Variants in PYGB observed in about 807,000 individuals in gnomAD.
PYGB encodes glycogen phosphorylase, brain form.
PYGB carries 82 observed loss-of-function variants against 94.3 expected under a neutral mutation model. The ratio of observed to expected loss-of-function variants is 0.87; its 90% CI spans 0.73 to 1.04. PYGB has a LOEUF of 1.04. PYGB is among the 50% of genes least tolerant of loss of function. The probability of loss-of-function intolerance (pLI) is 0.00; values close to 1 mark genes in which losing one functional copy is unlikely to be tolerated. For missense variants in PYGB, 1,132 were observed against 1,158.2 expected (o/e 0.98, Z 0.33); for synonymous variants, 488 against 479.1 (o/e 1.02, Z -0.24).
At chr20:25,277,361 G>GT (rs750612211) in intron 7 of PYGB, 35 bp downstream of exon 7, 85 of 1,518,754 alleles carry the variant, frequency 5.6e-5, no homozygotes, top group Non-Finnish European at 7.6e-5. Flanking sequence ...TGCTCAGGCC[G>GT]TATCGCTTTC....
rs759171481 is a variant in PYGB, at chr20:25,271,449, T to C, written c.491T>C (p.Phe164Ser). 1.9e-6 allele frequency: 3 copies of C among 1,614,180 alleles called. No individual in the cohort carries two copies. Among genetic ancestry groups the C allele is most frequent in the Admixed American group, 3.3e-5 (2 of 60,028 alleles). The change falls in exon 4 of 20, where the codon TTT (phenylalanine) becomes TCT (serine). Residue 164 changes from phenylalanine (F) to serine (S), a missense_variant. Phe to Ser is a radical substitution (Grantham distance 155). Coordinates refer to ENST00000216962, the MANE Select transcript of PYGB (RefSeq NM_002862.4). Reference protein sequence around the residue: ...AAYGYGIRYEFGIFNQKIVNG... With the variant: ...AAYGYGIRYESGIFNQKIVNG... ...TACGGCTATGGAATCCGCTATGAAT[T>C]TGGGATTTTTAACCAGAAGATTGTC...
In PYGB at chr20:25,248,111, C is replaced by T. The variant is rs201673155; in HGVS notation, c.-68C>T. On this transcript the variant is annotated 5_prime_UTR_variant, in exon 1 of 20. Coordinates refer to ENST00000216962, the MANE Select transcript of PYGB (RefSeq NM_002862.4). Reference sequence around the variant, plus strand: ...GAGCAGCGGCGCCAGAGCAGCTGCACCATCCCGGCGTTCGCGTGTGCCGCC... The same window carrying T: ...GAGCAGCGGCGCCAGAGCAGCTGCATCATCCCGGCGTTCGCGTGTGCCGCC... 79 of 1,461,118 alleles carry T rather than the reference C, an allele frequency of 5.4e-5. No homozygotes were observed. Among genetic ancestry groups the T allele is most frequent in the Non-Finnish European group, 7.0e-5 (77 of 1,107,452 alleles). The allele number at this position is 1,461,118 out of a possible 1,614,324, so 90.5% of individuals were successfully genotyped here.
chr20:25,296,152 C>T (rs568582214), intron 19 of PYGB, among the ~76,000 whole-genome samples: 33 of 152,266 alleles, frequency 2.2e-4, no homozygotes, highest in African/African-American at 7.9e-4. Context: ...GGGACCTTCT[C>T]TCCAGCTCCT....
In PYGB at chr20:25,294,981, G is replaced by A. The variant is rs2500429; in HGVS notation, c.2313-623G>A. 9,489 of 1,614,154 alleles carry A rather than the reference G, an allele frequency of 5.9e-3. 329 individuals carry two copies. The African/African-American group carries it at 0.084, about 14-fold the overall frequency. On this transcript the variant is annotated intron_variant, in intron 18 of 19. Coordinates refer to ENST00000216962, the MANE Select transcript of PYGB (RefSeq NM_002862.4). ...TCACCTGTTGGCTTCAGTCACACCA[G>A]CTCTGACCACATGCTGGGATCTGGG... is the stretch of plus-strand genomic sequence containing the variant.
At chr20:25,251,597 A>G (rs2092888226) in intron 1 of PYGB, among the ~76,000 whole-genome samples, 1 of 152,200 alleles carries the variant, frequency 6.6e-6, no homozygotes, top group Non-Finnish European at 1.5e-5. Flanking sequence ...AGGACACAAA[A>G]CACAGACCAG....
intron 2 of PYGB, among the ~76,000 whole-genome samples, chr20:25,266,543 C>T (rs1457803674): frequency 3.9e-5 from 6 of 152,090 alleles, no homozygotes; most frequent in African/African-American, 1.2e-4. Context: ...AAAATAGATA[C>T]ATTGGACTTC....
intron 14 of PYGB, among the ~76,000 whole-genome samples, chr20:25,286,263 AGGT>A (rs2088417396): frequency 6.6e-6 from 1 of 152,078 alleles, no homozygotes; most frequent in South Asian, 2.1e-4. Context: ...GTGTGGCGTG[AGGT>A]GGCTTTCTCT....
intron 12 of PYGB, 43 bp from the exon 13 acceptor site, chr20:25,283,133 G>T: frequency 6.6e-7 from 1 of 1,514,136 alleles, no homozygotes. Flanking sequence ...CCCAGCCTCA[G>T]GAGGCTGAGG....
intron 5 of PYGB, 84 bp from the exon 6 acceptor site, chr20:25,276,562 C>T: frequency 8.6e-7 from 1 of 1,167,784 alleles, no homozygotes; most frequent in Admixed American, 1.8e-5. Context: ...GCCAGGTGCC[C>T]AGGAGGAGGC....
chr20:25,271,519 A>G, intron 4 of PYGB, 33 bp downstream of exon 4: 1 of 1,585,394 alleles, frequency 6.3e-7, no homozygotes, highest in Non-Finnish European at 8.7e-7. Context: ...ACTGGTTTCC[A>G]GCTCTCGTTC....
chr20:25,268,167 C>CCA (rs1555806073), intron 2 of PYGB, among the ~76,000 whole-genome samples: 1 of 95,026 alleles, frequency 1.1e-5, no homozygotes, highest in East Asian at 5.1e-4. Flanking sequence ...ACCCGCCCCC[C>CCA]CCCCATATCC....
chr20:25,271,763 T>TA (rs1484374150), intron 4 of PYGB, among the ~76,000 whole-genome samples: 2 of 152,184 alleles, frequency 1.3e-5, no homozygotes, highest in East Asian at 3.9e-4. Flanking sequence ...GGGTGAGCCT[T>TA]ACAGCAGCTC....
At chr20:25,278,573 C>T in intron 8 of PYGB, 111 bp downstream of exon 8, 1 of 1,407,452 alleles carries the variant, frequency 7.1e-7, no homozygotes, top group Non-Finnish European at 9.6e-7. Context: ...GTACATGCCC[C>T]TTGTCTTGGG....
chr20:25,274,326 G>C (rs543346751), intron 4 of PYGB, among the ~76,000 whole-genome samples: 6 of 152,328 alleles, frequency 3.9e-5, no homozygotes, highest in African/African-American at 1.4e-4. Flanking sequence ...ATCCAGATCG[G>C]AGCATGTGTC....
At chr20:25,251,700 G>T (rs1191272469) in intron 1 of PYGB, among the ~76,000 whole-genome samples, 1 of 152,200 alleles carries the variant, frequency 6.6e-6, no homozygotes, top group Non-Finnish European at 1.5e-5. Flanking sequence ...GGTTTATTCT[G>T]TGGGCCTTTG....
intron 17 of PYGB, among the ~76,000 whole-genome samples, chr20:25,293,231 G>A (rs974025750): frequency 5.3e-5 from 8 of 151,916 alleles, no homozygotes; most frequent in Non-Finnish European, 7.4e-5. Context: ...TTATCCCCGC[G>A]CCCCTCCGTT....
intron 2 of PYGB, among the ~76,000 whole-genome samples, chr20:25,268,115 C>T (rs927110233): frequency 2.0e-4 from 29 of 145,958 alleles, no homozygotes; most frequent in African/African-American, 6.9e-4. Context: ...AAACTTATTT[C>T]TTAACTTTGA....
At position 25,248,378 on chromosome 20, in the gene PYGB, G is replaced by A. The variant is rs868113937; in HGVS notation, c.200G>A (p.Arg67His). 1.9e-6 allele frequency: 3 copies of A among 1,590,946 alleles called. No homozygotes were observed. Among genetic ancestry groups the A allele is most frequent in the Non-Finnish European group, 1.7e-6 (2 of 1,170,164 alleles). Residue 67 changes from arginine (R) to histidine (H), a missense_variant, in exon 1 of 20, where the codon CGC becomes CAC. Coordinates refer to ENST00000216962, the MANE Select transcript of PYGB (RefSeq NM_002862.4). ...ACGGTGCGCGACCACCTCGTGGGCC[G>A]CTGGATCCGCACGCAGCAGCACTAC... ...AHTVRDHLVGRWIRTQQHYYE... is the reference protein window; with the variant it reads ...AHTVRDHLVGHWIRTQQHYYE...
intron 12 of PYGB, 115 bp downstream of exon 12, chr20:25,282,262 T>A: frequency 2.4e-6 from 2 of 827,714 alleles, no homozygotes; most frequent in Middle Eastern, 3.6e-4. Flanking sequence ...CCCTCACGTG[T>A]TGACCTGCAG....
Sources: allele counts gnomAD v4.1 joint callset (sites outside exome capture counted in the v4.1 genomes callset), GRCh38; gene constraint gnomAD v4.1.1; transcripts MANE v1.5; gene names NCBI Gene and HGNC (gene_info 2026-07-23, HGNC 2026-07-21).